Variants in SAMMSON observed in about 807,000 individuals in gnomAD.
The protein encoded by SAMMSON is long intergenic non-protein coding RNA 1212.
chr3:70,010,651 G>A (rs1040015212), intron 1 of SAMMSON, among the ~76,000 whole-genome samples: 10 of 151,818 alleles, frequency 6.6e-5, no homozygotes, highest in African/African-American at 2.2e-4. Context: ...CCAGAGTGGC[G>A]TATGTGCCAT....
At chr3:70,103,699 G>A (rs114257974) in intron 4 of SAMMSON, among the ~76,000 whole-genome samples, 58 of 152,190 alleles carry the variant, frequency 3.8e-4, no homozygotes, top group African/African-American at 1.2e-3. Flanking sequence ...TCTTATTGGC[G>A]AAAATTCTTA....
chr3:70,222,394 T>C (rs1023418181), intron 4 of SAMMSON, among the ~76,000 whole-genome samples: 2 of 152,336 alleles, frequency 1.3e-5, no homozygotes, highest in Admixed American at 6.5e-5. Flanking sequence ...AAATGAGTTA[T>C]AGAAAACTAT....
At chr3:70,076,573 T>C (rs1319450091) in intron 4 of SAMMSON, among the ~76,000 whole-genome samples, 3 of 152,126 alleles carry the variant, frequency 2.0e-5, no homozygotes, top group African/African-American at 4.8e-5. Context: ...CCTGATTCCA[T>C]TGGCAAGTTT....
At chr3:70,304,407 G>T (rs1266998568) in intron 7 of SAMMSON, among the ~76,000 whole-genome samples, 1 of 152,048 alleles carries the variant, frequency 6.6e-6, no homozygotes, top group East Asian at 1.9e-4. Flanking sequence ...TTGCCCAGTT[G>T]ACAGTTTCCA....
chr3:70,244,171 A>C (rs1468867883), intron 4 of SAMMSON, among the ~76,000 whole-genome samples: 1 of 152,062 alleles, frequency 6.6e-6, no homozygotes, highest in East Asian at 1.9e-4. Flanking sequence ...CCACTTCACC[A>C]CCTAATAATT....
chr3:70,022,709 A>G (rs1435187231), intron 3 of SAMMSON, among the ~76,000 whole-genome samples: 1 of 152,192 alleles, frequency 6.6e-6, no homozygotes, highest in Non-Finnish European at 1.5e-5. Flanking sequence ...TCTCAAGAAT[A>G]CCATTAAATA....
chr3:70,023,513 T>G (rs1301823810), intron 3 of SAMMSON, among the ~76,000 whole-genome samples: 1 of 152,124 alleles, frequency 6.6e-6, no homozygotes, highest in Non-Finnish European at 1.5e-5. Context: ...ATAATATGTT[T>G]CCTTTATTTC....
At chr3:70,309,189 G>A (rs971796839) in intron 7 of SAMMSON, among the ~76,000 whole-genome samples, 2 of 152,096 alleles carry the variant, frequency 1.3e-5, no homozygotes, top group African/African-American at 4.8e-5. Context: ...CTCAAAGACC[G>A]AGGTTGGAGA....
At chr3:70,426,554 G>C (rs1386161615) in intron 2 of SAMMSON, among the ~76,000 whole-genome samples, 4 of 152,102 alleles carry the variant, frequency 2.6e-5, no homozygotes, top group Non-Finnish European at 5.9e-5. Context: ...ATTTTCTCCT[G>C]CTTCTTCCTC....
chr3:70,096,876 T>A (rs1050770781), intron 4 of SAMMSON, among the ~76,000 whole-genome samples: 1 of 152,196 alleles, frequency 6.6e-6, no homozygotes, highest in Non-Finnish European at 1.5e-5. Flanking sequence ...TGTTGAGAGA[T>A]GTCTATGGCC....
intron 4 of SAMMSON, among the ~76,000 whole-genome samples, chr3:70,149,837 A>G (rs183071791): frequency 6.6e-6 from 1 of 152,190 alleles, no homozygotes; most frequent in East Asian, 1.9e-4. Flanking sequence ...CTTACAAGTT[A>G]TCTTGGTTTG....
At chr3:70,349,897 A>G (rs1479846100) in intron 7 of SAMMSON, among the ~76,000 whole-genome samples, 1 of 152,206 alleles carries the variant, frequency 6.6e-6, no homozygotes, top group East Asian at 1.9e-4. Context: ...TAAAAGAAAA[A>G]GGTATTAAGG....
At chr3:70,404,860 C>T (rs1432962360) in intron 2 of SAMMSON, among the ~76,000 whole-genome samples, 1 of 152,038 alleles carries the variant, frequency 6.6e-6, no homozygotes, top group East Asian at 1.9e-4. Flanking sequence ...AGCTGGAAGC[C>T]ACTAGAGTAT....
chr3:70,011,023 C>A (rs752854360), intron 1 of SAMMSON, among the ~76,000 whole-genome samples: 3 of 152,078 alleles, frequency 2.0e-5, no homozygotes, highest in Non-Finnish European at 2.9e-5. Context: ...GTAGGGATTA[C>A]AATTCAAGGT....
intron 7 of SAMMSON, among the ~76,000 whole-genome samples, chr3:70,296,853 T>C (rs1209816688): frequency 6.6e-6 from 1 of 152,050 alleles, no homozygotes; most frequent in Non-Finnish European, 1.5e-5. Flanking sequence ...TATGTAATAA[T>C]GGCCTCTCTG....
At chr3:70,216,697 A>T (rs1701415381) in intron 4 of SAMMSON, among the ~76,000 whole-genome samples, 1 of 152,178 alleles carries the variant, frequency 6.6e-6, no homozygotes, top group African/African-American at 2.4e-5. Context: ...AAACATACTC[A>T]GGTCTCTGCT....
intron 7 of SAMMSON, among the ~76,000 whole-genome samples, chr3:70,346,727 T>C (rs1702754034): frequency 6.6e-6 from 1 of 152,180 alleles, no homozygotes; most frequent in South Asian, 2.1e-4. Context: ...TATTTTAAAA[T>C]ATAATTTCTA....
rs1016329319 is a variant in SAMMSON at position 70,009,889 on chromosome 3, G to A, written n.23-2468G>A. Among the ~76,000 whole-genome samples, 725 of 149,140 alleles carry A rather than the reference G, an allele frequency of 4.9e-3. 3 individuals are homozygous for A. The highest frequency in any genetic ancestry group is 0.016 in the African/African-American group (648 of 39,616). The stretch of plus-strand genomic sequence containing the variant: ...ACATCTTTATTTCTGCCTTCATTTC[G>A]TTATGGACTCAGTAGTCATTCAGGA... On this transcript the variant is annotated intron_variant and non_coding_transcript_variant, in intron 1 of 9. Transcript: ENST00000642114.
At chr3:70,317,333 A>G (rs1702502067) in intron 7 of SAMMSON, among the ~76,000 whole-genome samples, 1 of 151,824 alleles carries the variant, frequency 6.6e-6, no homozygotes, top group African/African-American at 2.4e-5. Flanking sequence ...TACTGGCATC[A>G]TTTTTTTCCA....
Sources: allele counts gnomAD v4.1 joint callset (sites outside exome capture counted in the v4.1 genomes callset), GRCh38; gene constraint gnomAD v4.1.1; transcripts MANE v1.5; gene names NCBI Gene and HGNC (gene_info 2026-07-23, HGNC 2026-07-21).